COL6A6: variants seen among roughly 807,000 people sequenced by gnomAD.
COL6A6 encodes collagen alpha-6(VI) chain.
In COL6A6, 183 loss-of-function variants were observed where a neutral mutation model predicts 208.6. The ratio of observed to expected loss-of-function variants is 0.88; its 90% CI spans 0.78 to 0.99. The LOEUF (loss-of-function observed/expected upper bound fraction) is 0.99. COL6A6 is among the 50% of genes least tolerant of loss of function. COL6A6 has a pLI of 0.00. For synonymous variants in COL6A6, 973 were observed against 1,011.8 expected (o/e 0.96, Z 0.73); for missense variants, 2,816 against 2,815.2 (o/e 1.00, Z -0.01).
At position 130,649,134 on chromosome 3, in the gene COL6A6, A is replaced by G. The variant is rs373361883; in HGVS notation, c.5305A>G (p.Thr1769Ala). 4.8e-5 allele frequency: 76 copies of G among 1,586,278 alleles called. No individual in the cohort carries two copies. The highest frequency in any genetic ancestry group is 6.4e-5 in the Non-Finnish European group (75 of 1,165,778). ...VFALDHSRDV[T>A]EQEFERMKEM... Reference sequence around the variant, plus strand: ...TGCCCTGGACCACTCCCGGGATGTCACTGAGCAGGAATTTGAGCGGATGAA... The same window carrying G: ...TGCCCTGGACCACTCCCGGGATGTCGCTGAGCAGGAATTTGAGCGGATGAA... The change falls in exon 33 of 37, where the codon ACT becomes GCT. Residue 1769 changes from threonine (T) to alanine (A), a missense_variant. By Grantham distance (58) the Thr-to-Ala change is moderately conservative. Transcript: ENST00000358511.
intron 1 of COL6A6, among the ~76,000 whole-genome samples, chr3:130,555,777 A>AT (rs751805302): frequency 5.4e-4 from 82 of 152,068 alleles, no homozygotes; most frequent in Non-Finnish European, 1.0e-3. Context: ...TTTTAAAAAT[A>AT]TTTATAGTTT....
chr3:130,568,561 C>A lies in COL6A6; in HGVS notation c.2358C>A (p.Arg786=). ...FYVENFDILQ[R]IEDDLVFGIC... is the part of the protein sequence containing the mutation. ...TTGAGAATTTTGACATTCTGCAGCG[C>A]ATTGAAGATGATCTTGTTTTTGGAA... The change falls in exon 6 of 37, where the codon CGC becomes CGA. Residue 786 remains arginine, a synonymous_variant. Coordinates refer to ENST00000358511, the MANE Select transcript of COL6A6 (RefSeq NM_001102608.3). The A allele has an allele frequency of 6.2e-7, 1 of 1,606,982 alleles. No individual in the cohort carries two copies. The highest frequency in any genetic ancestry group is 8.5e-7 in the Non-Finnish European group (1 of 1,179,718).
At chr3:130,621,948 G>T in intron 24 of COL6A6, 65 bp downstream of exon 24, 3 of 1,338,988 alleles carry the variant, frequency 2.2e-6, no homozygotes, top group South Asian at 2.4e-5. Context: ...GTGTCTAATT[G>T]TATTAGCCAG....
In COL6A6 at chr3:130,649,398, A is replaced by T. The variant is rs531884667; in HGVS notation, c.5569A>T (p.Thr1857Ser). The T allele has an allele frequency of 1.2e-6, 2 of 1,613,030 alleles. No individual in the cohort carries two copies. Among genetic ancestry groups the T allele is most frequent in the East Asian group, 2.2e-5 (1 of 44,866 alleles). ...TATTTCCAGGAATGTCTTCAAGCGG[A>T]CGCTTCCGGGGGCACACACGAGAAA... ...RFISRNVFKR[T>S]LPGAHTRKIA... is the part of the protein sequence containing the mutation. Residue 1857 changes from threonine (T) to serine (S), a missense_variant, in exon 33 of 37, where the codon ACG becomes TCG. Physicochemically the swap from Thr to Ser is moderately conservative, Grantham distance 58 (BLOSUM62 1). Coordinates refer to ENST00000358511, the MANE Select transcript of COL6A6 (RefSeq NM_001102608.3).
At chr3:130,654,615 G>T (rs999740965) in intron 33 of COL6A6, among the ~76,000 whole-genome samples, 9 of 152,190 alleles carry the variant, frequency 5.9e-5, no homozygotes, top group African/African-American at 2.2e-4. Context: ...TGGAGCCCAG[G>T]TGTCCTCTGG....
At chr3:130,604,451 C>T (rs900326592) in intron 20 of COL6A6, among the ~76,000 whole-genome samples, 5 of 150,584 alleles carry the variant, frequency 3.3e-5, no homozygotes, top group African/African-American at 4.9e-5. Context: ...GCCGAAATCG[C>T]GCCACTGCAC....
chr3:130,592,705 G>A lies in COL6A6; in HGVS notation c.4354G>A (p.Gly1452Arg), dbSNP rs755772588. Residue 1452 changes from glycine to arginine, a missense_variant, in exon 15 of 37, where the codon GGA (glycine) becomes AGA (arginine). Physicochemically the swap from Gly to Arg is moderately radical, Grantham distance 125. Transcript: ENST00000358511. ...GTCCTTTTATTTTCAGGGAAACAGA[G>A]GACTAAATGGACAGGAGGTATGTTA... ...YGTKGPKGNR[G>R]LNGQEGEVGE... is the part of the protein sequence containing the mutation. 2 of 1,612,306 alleles carry A rather than the reference G, an allele frequency of 1.2e-6. No homozygotes were observed. The highest frequency in any genetic ancestry group is 1.7e-6 in the Non-Finnish European group (2 of 1,178,774).
chr3:130,528,646 C>T (rs2062014816), intron 1 of COL6A6, among the ~76,000 whole-genome samples: 1 of 152,170 alleles, frequency 6.6e-6, no homozygotes, highest in Admixed American at 6.5e-5. Flanking sequence ...AGTTTTCTGA[C>T]TCCTGGGGCA....
chr3:130,612,958 C>A (rs2064405216), intron 23 of COL6A6, among the ~76,000 whole-genome samples: 1 of 152,108 alleles, frequency 6.6e-6, no homozygotes, highest in Non-Finnish European at 1.5e-5. Context: ...AATATTTTCT[C>A]CCATTCTGTA....
In COL6A6 at chr3:130,662,018, A is replaced by G; in HGVS notation, c.6212A>G (p.Asn2071Ser). 6.2e-7 allele frequency: 1 copy of G among 1,613,988 alleles called. No individual in the cohort carries two copies. The highest frequency in any genetic ancestry group is 2.2e-5 in the East Asian group (1 of 44,880). Residue 2071 changes from asparagine (N) to serine (S), a missense_variant, in exon 35 of 37, where the codon AAT (asparagine) becomes AGT (serine). Coordinates refer to ENST00000358511, the MANE Select transcript of COL6A6 (RefSeq NM_001102608.3). ...IGHALQWTLD[N>S]VFLSTPNLRR... ...CATGCCTTACAGTGGACTCTGGACA[A>G]TGTATTTTTAAGTACACCCAATCTG... is the stretch of plus-strand genomic sequence containing the variant.
intron 10 of COL6A6, among the ~76,000 whole-genome samples, chr3:130,585,004 A>C (rs576396226): frequency 5.1e-4 from 78 of 152,140 alleles, no homozygotes; most frequent in African/African-American, 1.8e-3. Flanking sequence ...CATTCTCTTG[A>C]TTTCTCTCTT....
intron 18 of COL6A6, among the ~76,000 whole-genome samples, chr3:130,597,308 A>G (rs772629485): frequency 1.5e-4 from 23 of 152,232 alleles, no homozygotes; most frequent in Non-Finnish European, 2.8e-4. Context: ...TAGGTGGAGG[A>G]AAGAAGCAAT....
intron 8 of COL6A6, among the ~76,000 whole-genome samples, chr3:130,579,493 AT>A (rs747829727): frequency 6.6e-6 from 1 of 152,088 alleles, no homozygotes; most frequent in Non-Finnish European, 1.5e-5. Flanking sequence ...AGGATTCCAC[AT>A]TGCTATTTGG....
intron 20 of COL6A6, among the ~76,000 whole-genome samples, chr3:130,604,552 T>C (rs2064126694): frequency 6.6e-6 from 1 of 152,074 alleles, no homozygotes; most frequent in Non-Finnish European, 1.5e-5. Flanking sequence ...TGCGATCGTT[T>C]CTAGAGATAT....
chr3:130,548,721 G>A (rs2062577286), intron 1 of COL6A6, among the ~76,000 whole-genome samples: 1 of 152,228 alleles, frequency 6.6e-6, no homozygotes, highest in Non-Finnish European at 1.5e-5. Context: ...TACGCCTGGA[G>A]TTTTTATTTC....
intron 3 of COL6A6, among the ~76,000 whole-genome samples, chr3:130,564,738 C>T (rs529634262): frequency 5.9e-5 from 9 of 152,312 alleles, no homozygotes; most frequent in East Asian, 5.8e-4. Flanking sequence ...AGAATATTGT[C>T]GCATTAAATC....
chr3:130,616,280 A>C (rs1233709463), intron 23 of COL6A6, among the ~76,000 whole-genome samples: 2 of 152,162 alleles, frequency 1.3e-5, no homozygotes, highest in Non-Finnish European at 2.9e-5. Context: ...AGTGCTTTGT[A>C]ATTTCAGGAT....
At chr3:130,615,147 A>G (rs2064480109) in intron 23 of COL6A6, among the ~76,000 whole-genome samples, 1 of 152,118 alleles carries the variant, frequency 6.6e-6, no homozygotes, top group Non-Finnish European at 1.5e-5. Context: ...CTTTGTTCTT[A>G]TTAGTTTCAA....
chr3:130,545,477 G>T, intron 1 of COL6A6, among the ~76,000 whole-genome samples: 1 of 143,534 alleles, frequency 7.0e-6, no homozygotes, highest in Non-Finnish European at 1.5e-5. Flanking sequence ...TTTTTAGATG[G>T]GATTTCTCTC....
Sources: allele counts gnomAD v4.1 joint callset (sites outside exome capture counted in the v4.1 genomes callset), GRCh38; gene constraint gnomAD v4.1.1; transcripts MANE v1.5; gene names NCBI Gene and HGNC (gene_info 2026-07-23, HGNC 2026-07-21).